The following NIPA1 variants were observed in gnomAD, a reference collection of about 807,000 sequenced individuals.
NIPA1 encodes the protein magnesium transporter NIPA1.
A neutral mutation model predicts 23.9 loss-of-function variants in NIPA1; 13 were observed. The ratio of observed to expected loss-of-function variants is 0.54; its 90% CI spans 0.35 to 0.87. The LOEUF (loss-of-function observed/expected upper bound fraction) is 0.87. Among genes scored for constraint, NIPA1 ranks in the 40% least tolerant of loss-of-function variants. NIPA1 has a pLI of 0.01. For missense variants in NIPA1, 362 were observed against 429.7 expected (o/e 0.84, Z 1.39); for synonymous variants, 234 against 202.9 (o/e 1.15, Z -1.30).
intron 1 of NIPA1, among the ~76,000 whole-genome samples, chr15:22,800,057 T>G (rs903942497): frequency 6.6e-6 from 1 of 151,826 alleles, no homozygotes; most frequent in Non-Finnish European, 1.5e-5. Flanking sequence ...AAATTACCTG[T>G]TGGGTACTAT....
chr15:22,790,977 A>T (rs752293651), intron 1 of NIPA1, among the ~76,000 whole-genome samples: 20 of 152,126 alleles, frequency 1.3e-4, no homozygotes, highest in Non-Finnish European at 2.5e-4. Context: ...AGCTTTAAAA[A>T]TTTTTTAAAT....
At position 22,827,658 on chromosome 15, in the gene NIPA1, GTTC is replaced by G. The variant is rs1342173615; in HGVS notation, c.*3425_*3427del. On this transcript the variant is annotated 3_prime_UTR_variant, in exon 5 of 5. Coordinates refer to ENST00000337435, the MANE Select transcript of NIPA1 (RefSeq NM_144599.5). ...TCCCAGCGGTAATATGTTGGTGTTT[GTTC>G]TTCTTTGGATTTCACATCTGTTTTC... 1 of 152,180 alleles carries G rather than the reference GTTC, an allele frequency of 6.6e-6. No individual in the cohort carries two copies. The highest frequency in any genetic ancestry group is 1.5e-5 in the Non-Finnish European group (1 of 68,036). 9.4% of individuals were successfully genotyped at this position (152,180 alleles called of 1,614,324 possible). A position where few individuals can be genotyped will look rare whatever the true frequency, so the allele number is the denominator to read the frequency against.
Position 22,797,977 on chromosome 15 carries a change from T to G in NIPA1, c.178+11143T>G, listed in dbSNP as rs373125173. 1.1e-4 allele frequency among the ~76,000 whole-genome samples: 16 copies of G among 151,852 alleles called. No homozygotes were observed. In the South Asian group the frequency reaches 3.3e-3, roughly 32 times the overall value. ...CTCCTTCCTCAGCCTCCCCAGCAGC[T>G]GGGACCACAGGCACCTGCCACTACG... is the stretch of plus-strand genomic sequence containing the variant. On this transcript the variant is annotated intron_variant, in intron 1 of 4. Coordinates refer to ENST00000337435, the MANE Select transcript of NIPA1 (RefSeq NM_144599.5).
chr15:22,797,204 T>A (rs1894956323), intron 1 of NIPA1, among the ~76,000 whole-genome samples: 1 of 125,350 alleles, frequency 8.0e-6, no homozygotes, highest in Non-Finnish European at 1.6e-5. Flanking sequence ...CATGCCCGGC[T>A]AATATATTTG....
chr15:22,813,427 G>A (rs1351091615), intron 3 of NIPA1, among the ~76,000 whole-genome samples: 2 of 152,184 alleles, frequency 1.3e-5, no homozygotes, highest in East Asian at 3.8e-4. Flanking sequence ...AGGGCTGCAA[G>A]CCATCAAACA....
At chr15:22,791,713 G>T (rs1428594869) in intron 1 of NIPA1, among the ~76,000 whole-genome samples, 2 of 151,800 alleles carry the variant, frequency 1.3e-5, no homozygotes, top group South Asian at 2.1e-4. Flanking sequence ...TCATCCACCC[G>T]CCTCGACCTC....
intron 1 of NIPA1, among the ~76,000 whole-genome samples, chr15:22,791,767 T>A (rs941483973): frequency 6.6e-6 from 1 of 152,040 alleles, no homozygotes; most frequent in Non-Finnish European, 1.5e-5. Context: ...CACCTGGCCC[T>A]CTTTCACTTT....
At chr15:22,822,055 T>C (rs1036460345) in intron 4 of NIPA1, among the ~76,000 whole-genome samples, 1 of 152,126 alleles carries the variant, frequency 6.6e-6, no homozygotes, top group Non-Finnish European at 1.5e-5. Context: ...GCTGCAGATA[T>C]AGACTGACGT....
chr15:22,800,424 T>G (rs1409468720), intron 1 of NIPA1, among the ~76,000 whole-genome samples: 1 of 152,152 alleles, frequency 6.6e-6, no homozygotes, highest in Non-Finnish European at 1.5e-5. Flanking sequence ...TTTTGCCCAG[T>G]TCATCTTTTA....
At chr15:22,813,589 A>G in intron 3 of NIPA1, 2 of 449,516 alleles carry the variant, frequency 4.4e-6, no homozygotes, top group South Asian at 3.2e-5. Flanking sequence ...AATAAAATCC[A>G]AGTTTCTAAC....
At chr15:22,814,449 C>T (rs1053740573) in intron 3 of NIPA1, among the ~76,000 whole-genome samples, 8 of 151,914 alleles carry the variant, frequency 5.3e-5, no homozygotes, top group South Asian at 4.1e-4. Context: ...GTGATCCGCC[C>T]GCCGTCCTCC....
chr15:22,802,785 A>G (rs886222667), intron 1 of NIPA1, among the ~76,000 whole-genome samples: 4 of 152,198 alleles, frequency 2.6e-5, no homozygotes, highest in Non-Finnish European at 4.4e-5. Flanking sequence ...CCCATGCTTC[A>G]TATAAATGGA....
chr15:22,795,748 G>A (rs1894927960), intron 1 of NIPA1, among the ~76,000 whole-genome samples: 1 of 152,156 alleles, frequency 6.6e-6, no homozygotes, highest in African/African-American at 2.4e-5. Flanking sequence ...GAATGTATAA[G>A]GATGTGAATG....
intron 1 of NIPA1, among the ~76,000 whole-genome samples, chr15:22,790,444 G>A (rs1894803536): frequency 7.0e-6 from 1 of 143,326 alleles, no homozygotes; most frequent in Non-Finnish European, 1.5e-5. Context: ...TTTTTGAGAC[G>A]GAGTTTTGCT....
intron 1 of NIPA1, among the ~76,000 whole-genome samples, chr15:22,799,724 G>A (rs1357040124): frequency 6.6e-6 from 1 of 151,462 alleles, no homozygotes; most frequent in Non-Finnish European, 1.5e-5. Flanking sequence ...GGAGGTTGCA[G>A]TGAGCCGAGA....
intron 3 of NIPA1, among the ~76,000 whole-genome samples, chr15:22,815,405 G>T (rs1370133253): frequency 6.6e-6 from 1 of 152,058 alleles, no homozygotes; most frequent in African/African-American, 2.4e-5. Flanking sequence ...CCAGCACTTT[G>T]GGAGGCCAAG....
intron 1 of NIPA1, among the ~76,000 whole-genome samples, chr15:22,800,273 A>C (rs1159390944): frequency 1.3e-5 from 2 of 152,166 alleles, no homozygotes; most frequent in East Asian, 3.9e-4. Context: ...GATCCCAAGC[A>C]AATTACCATT....
At chr15:22,799,019 A>C (rs1297426697) in intron 1 of NIPA1, among the ~76,000 whole-genome samples, 2 of 152,048 alleles carry the variant, frequency 1.3e-5, no homozygotes, top group African/African-American at 4.8e-5. Flanking sequence ...AACAGGATGG[A>C]GATTTTTCAA....
intron 3 of NIPA1, among the ~76,000 whole-genome samples, chr15:22,819,837 TA>T (rs1341521925): frequency 1.3e-5 from 2 of 152,168 alleles, no homozygotes; most frequent in Non-Finnish European, 2.9e-5. Context: ...TGTGCTGACA[TA>T]GTAATATAGT....
Sources: allele counts gnomAD v4.1 joint callset (sites outside exome capture counted in the v4.1 genomes callset), GRCh38; gene constraint gnomAD v4.1.1; transcripts MANE v1.5; gene names NCBI Gene and HGNC (gene_info 2026-07-23, HGNC 2026-07-21).